TTC7B: variants seen among roughly 807,000 people sequenced by gnomAD.
TTC7B encodes the protein tetratricopeptide repeat domain 7B, also known as tetratricopeptide repeat protein 7B.
TTC7B carries 28 observed loss-of-function variants against 106.8 expected under a neutral mutation model. That is an observed-to-expected ratio of 0.26 (90% confidence interval 0.19 to 0.36). The LOEUF (loss-of-function observed/expected upper bound fraction) is 0.36, where lower values mean the gene tolerates loss of function less well. Ranked by LOEUF, TTC7B falls within the 10% of genes least tolerant of loss-of-function variation. The pLI is 1.00. For synonymous variants in TTC7B, 405 were observed against 430.6 expected, an observed-to-expected ratio of 0.94 and a Z score of 0.74; for missense variants, 862 against 1,076.4, an observed-to-expected ratio of 0.80 and a Z score of 2.79.
chr14:90,793,515 ACT>A (rs1269500236), intron 1 of TTC7B, among the ~76,000 whole-genome samples: 1 of 102,156 alleles, frequency 9.8e-6, no homozygotes, highest in Admixed American at 1.2e-4. Context: ...AAAGAGCAAG[ACT>A]CTGTCTCAAA....
chr14:90,780,640 T>A (rs1346628012), intron 3 of TTC7B, 98 bp downstream of exon 3: 2 of 1,403,062 alleles, frequency 1.4e-6, no homozygotes, highest in Non-Finnish European at 1.9e-6. Context: ...ACTGCCAGGT[T>A]CATCACCAGC....
Position 90,529,582 on chromosome 14 carries a change from G to C in TTC7B, c.*11786C>G, listed in dbSNP as rs1333613617. 4 of 152,200 alleles carry C rather than the reference G, an allele frequency of 2.6e-5. No individual in the cohort carries two copies. Among genetic ancestry groups the C allele is most frequent in the Non-Finnish European group, 4.4e-5 (3 of 68,040 alleles). 9.4% of individuals were successfully genotyped at this position (152,200 alleles called of 1,614,324 possible). A position where few individuals can be genotyped will look rare whatever the true frequency, so the allele number is the denominator to read the frequency against. On this transcript the variant is annotated 3_prime_UTR_variant, in exon 20 of 20. Coordinates refer to ENST00000328459, the MANE Select transcript of TTC7B (RefSeq NM_001010854.2). ...CTGGAGTCAGGCAACCTGGGTTCAA[G>C]GCCTGCTGTAGTATTACCCAAACTT...
intron 4 of TTC7B, among the ~76,000 whole-genome samples, chr14:90,730,985 G>A (rs188544250): frequency 7.2e-5 from 11 of 152,240 alleles, no homozygotes; most frequent in South Asian, 6.2e-4. Flanking sequence ...TCGCTCTGTC[G>A]CCCAGGCTGG....
At chr14:90,699,120 C>T in intron 5 of TTC7B, 1 of 454,360 alleles carries the variant, frequency 2.2e-6, no homozygotes, top group Non-Finnish European at 4.4e-6. Context: ...CCTTTCCAGG[C>T]TCTGAAATGT....
intron 9 of TTC7B, among the ~76,000 whole-genome samples, chr14:90,672,533 T>C (rs1020948176): frequency 1.3e-5 from 2 of 152,160 alleles, no homozygotes; most frequent in Non-Finnish European, 2.9e-5. Flanking sequence ...GAAGAGGGTC[T>C]CTCTCCTCCT....
chr14:90,701,142 A>G (rs950679208), intron 5 of TTC7B, among the ~76,000 whole-genome samples: 3 of 152,134 alleles, frequency 2.0e-5, no homozygotes, highest in Non-Finnish European at 4.4e-5. Flanking sequence ...CAGCCTGGAT[A>G]TAGTGACGGA....
chr14:90,644,186 A>G lies in TTC7B; in HGVS notation c.1613T>C (p.Val538Ala). Residue 538 changes from valine to alanine, a missense_variant, in exon 15 of 20, where the codon GTC becomes GCC. Coordinates refer to ENST00000328459, the MANE Select transcript of TTC7B (RefSeq NM_001010854.2). ...ACCTTGAAGCTGAAGAGCTTGGCGG[A>G]CATACCCCAGAGCCTCTGGGATCTG... ...SRQIPEALGY[V>A]RQALQLQGDD... 2 of 1,608,030 alleles carry G rather than the reference A, an allele frequency of 1.2e-6. No homozygotes were observed. Among genetic ancestry groups the G allele is most frequent in the Non-Finnish European group, 1.7e-6 (2 of 1,177,706 alleles).
chr14:90,556,599 C>G (rs1184270190), intron 19 of TTC7B, among the ~76,000 whole-genome samples: 1 of 152,146 alleles, frequency 6.6e-6, no homozygotes, highest in African/African-American at 2.4e-5. Flanking sequence ...AGGCAGAAAC[C>G]AACAGCACAG....
intron 1 of TTC7B, among the ~76,000 whole-genome samples, chr14:90,806,615 G>A (rs1156751256): frequency 6.6e-6 from 1 of 152,168 alleles, no homozygotes; most frequent in African/African-American, 2.4e-5. Context: ...GCAGATAAAG[G>A]TGAGGCTTAG....
At chr14:90,592,115 G>A (rs1947160775) in intron 18 of TTC7B, among the ~76,000 whole-genome samples, 1 of 152,214 alleles carries the variant, frequency 6.6e-6, no homozygotes, top group South Asian at 2.1e-4. Flanking sequence ...ATCCAAACAT[G>A]TTTTCAATGC....
chr14:90,784,339 C>T (rs752490742), intron 2 of TTC7B, among the ~76,000 whole-genome samples: 2 of 152,136 alleles, frequency 1.3e-5, no homozygotes, highest in African/African-American at 2.4e-5. Context: ...GGGCGGATCA[C>T]GAGGTGAGGA....
intron 19 of TTC7B, among the ~76,000 whole-genome samples, chr14:90,574,374 T>G (rs1349665592): frequency 6.6e-6 from 1 of 152,242 alleles, no homozygotes; most frequent in Non-Finnish European, 1.5e-5. Context: ...CCCTCTAGCA[T>G]GCTGCTCCCG....
chr14:90,772,506 C>A (rs1291576628), intron 3 of TTC7B: 1 of 152,150 alleles, frequency 6.6e-6, no homozygotes. Context: ...TATAATCCCA[C>A]TTTTATATAA....
intron 19 of TTC7B, among the ~76,000 whole-genome samples, chr14:90,573,185 C>T (rs915105209): frequency 6.6e-6 from 1 of 152,172 alleles, no homozygotes; most frequent in Non-Finnish European, 1.5e-5. Context: ...ATCTAGATTT[C>T]GTCACTTCTC....
chr14:90,554,430 G>A (rs1052692901), intron 19 of TTC7B, among the ~76,000 whole-genome samples: 3 of 152,216 alleles, frequency 2.0e-5, no homozygotes, highest in Non-Finnish European at 4.4e-5. Flanking sequence ...TTCGGGTTCC[G>A]GGGGTGGGGC....
At chr14:90,803,174 T>C (rs558890996) in intron 1 of TTC7B, among the ~76,000 whole-genome samples, 8 of 150,988 alleles carry the variant, frequency 5.3e-5, no homozygotes, top group Admixed American at 4.0e-4. Context: ...GTTGACCCCA[T>C]GTAAGCCATA....
intron 17 of TTC7B, among the ~76,000 whole-genome samples, chr14:90,596,516 A>G (rs2139825347): frequency 6.6e-6 from 1 of 152,306 alleles, no homozygotes; most frequent in Non-Finnish European, 1.5e-5. Flanking sequence ...GGCACTTTAT[A>G]TGTACTAATC....
chr14:90,766,133 A>G (rs1890668018), intron 3 of TTC7B, among the ~76,000 whole-genome samples: 2 of 114,382 alleles, frequency 1.7e-5, no homozygotes, highest in South Asian at 5.6e-4. Context: ...ACAGCCTACA[A>G]CGTTTTTTTT....
At chr14:90,545,617 T>C (rs1445558605) in intron 19 of TTC7B, among the ~76,000 whole-genome samples, 1 of 152,186 alleles carries the variant, frequency 6.6e-6, no homozygotes, top group African/African-American at 2.4e-5. Context: ...CTTGGCCCAG[T>C]GGGATGCAGA....
Sources: allele counts gnomAD v4.1 joint callset (sites outside exome capture counted in the v4.1 genomes callset), GRCh38; gene constraint gnomAD v4.1.1; transcripts MANE v1.5; gene names NCBI Gene and HGNC (gene_info 2026-07-23, HGNC 2026-07-21).